Variants in IL16 observed in about 807,000 individuals in gnomAD.
IL16 encodes interleukin 16.
IL16 carries 67 observed loss-of-function variants against 110.1 expected under a neutral mutation model. The ratio of observed to expected loss-of-function variants is 0.61; its 90% CI spans 0.50 to 0.75. The LOEUF (loss-of-function observed/expected upper bound fraction) is 0.75, where lower values mean the gene tolerates loss of function less well. IL16 is among the 30% of genes least tolerant of loss of function. The probability of loss-of-function intolerance (pLI) is 0.00; values close to 1 mark genes in which losing one functional copy is unlikely to be tolerated. For synonymous variants in IL16, 689 were observed against 662.9 expected (o/e 1.04, Z -0.61); for missense variants, 1,545 against 1,655.0 (o/e 0.93, Z 1.15).
At chr15:81,225,079 G>T (rs916729812) in intron 1 of IL16, among the ~76,000 whole-genome samples, 21 of 152,136 alleles carry the variant, frequency 1.4e-4, no homozygotes, top group African/African-American at 5.1e-4. Flanking sequence ...CTGGGGCTAG[G>T]TCTCCATGAC....
At chr15:81,219,963 G>A (rs919355402) in intron 1 of IL16, among the ~76,000 whole-genome samples, 7 of 152,148 alleles carry the variant, frequency 4.6e-5, no homozygotes, top group Non-Finnish European at 1.0e-4. Context: ...TCTCCAGGAG[G>A]TAACAGTATA....
intron 12 of IL16, 28 bp from the exon 13 acceptor site, chr15:81,296,900 A>G: frequency 6.4e-7 from 1 of 1,565,270 alleles, no homozygotes; most frequent in Non-Finnish European, 8.7e-7. Flanking sequence ...CCGTTTTGAC[A>G]TGGTCTCGCT....
chr15:81,243,881 G>A (rs1897440096), intron 2 of IL16, among the ~76,000 whole-genome samples: 1 of 152,126 alleles, frequency 6.6e-6, no homozygotes, highest in Non-Finnish European at 1.5e-5. Flanking sequence ...GAAGTCTTCA[G>A]GGTTTGTAGT....
rs772443863 is a variant in IL16, at chr15:81,308,810, T to C, written c.*12T>C. 2.5e-6 allele frequency: 4 copies of C among 1,605,116 alleles called. No homozygotes were observed. The South Asian group carries it at 3.3e-5, about 13-fold the overall frequency. ...CTGGAGACTCCTAGGCAGGACATGC[T>C]GAAGCCAAAGCCAATAACACACAGC... On this transcript the variant is annotated 3_prime_UTR_variant, in exon 19 of 19. Coordinates refer to ENST00000683961, the MANE Select transcript of IL16 (RefSeq NM_172217.5).
intron 1 of IL16, among the ~76,000 whole-genome samples, chr15:81,218,215 GACTA>G (rs1358561500): frequency 3.3e-5 from 5 of 151,802 alleles, no homozygotes; most frequent in African/African-American, 1.2e-4. Flanking sequence ...TATATACAAA[GACTA>G]ACCAATTAGA....
chr15:81,270,889 T>C (rs58843615), intron 5 of IL16, among the ~76,000 whole-genome samples: 24,268 of 152,108 alleles, frequency 0.16, 2,287 homozygotes, highest in Middle Eastern at 0.24. Context: ...AGTTCAGAAA[T>C]AAAGCAGGCT....
intron 1 of IL16, among the ~76,000 whole-genome samples, chr15:81,213,223 A>G: frequency 6.6e-6 from 1 of 152,110 alleles, no homozygotes; most frequent in East Asian, 1.9e-4. Context: ...ACTGATTTCT[A>G]TTTTTATTGC....
At chr15:81,248,948 T>G (rs1897670611) in intron 2 of IL16, among the ~76,000 whole-genome samples, 1 of 152,098 alleles carries the variant, frequency 6.6e-6, no homozygotes, top group African/African-American at 2.4e-5. Flanking sequence ...CTTGAACTCC[T>G]GAGCTCAAGT....
At chr15:81,275,721 A>G (rs752331857) in intron 6 of IL16, among the ~76,000 whole-genome samples, 30 of 152,332 alleles carry the variant, frequency 2.0e-4, no homozygotes, top group South Asian at 6.2e-4. Context: ...CTCAGCTAGT[A>G]TATGATCCCT....
intron 14 of IL16, 41 bp from the exon 15 acceptor site, chr15:81,301,303 A>G: frequency 1.3e-6 from 2 of 1,541,008 alleles, no homozygotes; most frequent in Non-Finnish European, 1.8e-6. Flanking sequence ...CCTCTTTTTA[A>G]TATTGTTGTT....
intron 2 of IL16, among the ~76,000 whole-genome samples, chr15:81,250,019 C>T (rs969774865): frequency 1.3e-5 from 2 of 151,884 alleles, no homozygotes; most frequent in Non-Finnish European, 2.9e-5. Context: ...GCTGGGAAGC[C>T]TTATTTTCTC....
chr15:81,206,686 G>T (rs75340168), intron 1 of IL16, among the ~76,000 whole-genome samples: 1,618 of 152,096 alleles, frequency 0.011, 32 homozygotes, highest in African/African-American at 0.038. Context: ...CACTAAATCT[G>T]GGAAATTTAA....
chr15:81,235,321 G>A (rs1318695033), intron 2 of IL16, among the ~76,000 whole-genome samples: 3 of 152,190 alleles, frequency 2.0e-5, no homozygotes, highest in African/African-American at 7.2e-5. Context: ...GGCTTCTGGT[G>A]AGGTCTCAGG....
At chr15:81,249,463 T>C (rs1897690198) in intron 2 of IL16, among the ~76,000 whole-genome samples, 1 of 152,224 alleles carries the variant, frequency 6.6e-6, no homozygotes, top group East Asian at 1.9e-4. Context: ...GAAGATATTT[T>C]AGCTGGTATA....
At chr15:81,218,041 CAA>C (rs1896491321) in intron 1 of IL16, among the ~76,000 whole-genome samples, 1 of 151,966 alleles carries the variant, frequency 6.6e-6, no homozygotes, top group South Asian at 2.1e-4. Flanking sequence ...AATTAGAAAA[CAA>C]AATGAAATAA....
At chr15:81,227,784 A>T (rs1455252151) in intron 2 of IL16, among the ~76,000 whole-genome samples, 1 of 152,016 alleles carries the variant, frequency 6.6e-6, no homozygotes, top group African/African-American at 2.4e-5. Context: ...GCCAGAAATG[A>T]CGTGGCTTGG....
chr15:81,218,068 T>A (rs965674852), intron 1 of IL16, among the ~76,000 whole-genome samples: 2 of 152,112 alleles, frequency 1.3e-5, no homozygotes, highest in East Asian at 3.8e-4. Context: ...CCCAAATATT[T>A]GTAAATGAAG....
intron 12 of IL16, chr15:81,295,591 T>C: frequency 2.0e-6 from 2 of 976,428 alleles, no homozygotes; most frequent in Non-Finnish European, 2.8e-6. Flanking sequence ...AGGCCAATAT[T>C]TGGAGCTTCT....
chr15:81,263,346 A>ATTT (rs10717016), intron 3 of IL16, among the ~76,000 whole-genome samples: 6 of 109,790 alleles, frequency 5.5e-5, no homozygotes, highest in East Asian at 2.1e-4. Flanking sequence ...TTCAAAAACT[A>ATTT]TTTTTTTTTG....
Sources: gnomAD v4.1 joint callset for allele counts (sites outside exome capture counted in the v4.1 genomes callset) on GRCh38, gnomAD v4.1.1 for gene constraint, MANE v1.5 for transcripts, NCBI Gene and HGNC (gene_info 2026-07-23, HGNC 2026-07-21) for gene names.